The following ABCC11 variants were observed in gnomAD, a reference collection of about 807,000 sequenced individuals.
ABCC11 encodes ATP binding cassette subfamily C member 11, also known as ATP-binding cassette sub-family C member 11.
A neutral mutation model predicts 149.3 loss-of-function variants in ABCC11; 135 were observed. The ratio of observed to expected loss-of-function variants is 0.90; its 90% CI spans 0.79 to 1.04. The LOEUF (loss-of-function observed/expected upper bound fraction) is 1.04. ABCC11 is among the 50% of genes least tolerant of loss of function. The pLI, the probability that ABCC11 is intolerant of heterozygous loss-of-function variation, is 0.00. For missense variants in ABCC11, 1,680 were observed against 1,722.1 expected, an observed-to-expected ratio of 0.98 and a Z score of 0.43; for synonymous variants, 665 against 671.4, an observed-to-expected ratio of 0.99 and a Z score of 0.15.
chr16:48,211,055 C>T lies in ABCC11; in HGVS notation c.1501G>A (p.Gly501Arg), dbSNP rs377008966. The T allele has an allele frequency of 6.8e-6, 11 of 1,614,096 alleles. No individual in the cohort carries two copies. In the African/African-American group the frequency reaches 8.0e-5, roughly 12 times the overall value. The change falls in exon 11 of 30, where the codon GGG (glycine) becomes AGG (arginine). Residue 501 changes from glycine to arginine, a missense_variant. Transcript: ENST00000356608. ...CTGGTCATCCCCTCAGAAGCATGCC[C>T]GTTCCTCTCCAGCTCCAGTGCCCCA... ...VNGALELERN[G>R]HASEGMTRPR...
rs559803411 is a variant in ABCC11, at chr16:48,187,297, A to G, written c.2837T>C (p.Leu946Ser). ...IFSEQFLVLSLMVIAVLLIVS... is the reference protein window; with the variant it reads ...IFSEQFLVLSSMVIAVLLIVS... ...AATCAACAGGACGGCGATCACCATT[A>G]AGGACAGGACCAGGAACTGCTCTGA... Residue 946 changes from leucine to serine, a missense_variant, in exon 21 of 30, where the codon TTA becomes TCA. By Grantham distance (145) the Leu-to-Ser change is moderately radical (BLOSUM62 -2). Coordinates refer to ENST00000356608, the MANE Select transcript of ABCC11 (RefSeq NM_001370497.1). The G allele has an allele frequency of 9.9e-5, 160 of 1,614,212 alleles. 1 individual carries two copies. The South Asian group carries it at 1.6e-3, about 16-fold the overall frequency.
rs1247193490 is a variant in ABCC11 at position 48,170,191 on chromosome 16, T to C, written c.3805A>G (p.Thr1269Ala). The change falls in exon 28 of 30, where the codon ACA becomes GCA. Residue 1269 changes from threonine to alanine, a missense_variant. By Grantham distance (58) the Thr-to-Ala change is moderately conservative (BLOSUM62 0). Transcript: ENST00000356608. ...AISKFPKKLH[T>A]DVVENGGNFS... Reference sequence around the variant, plus strand: ...TTTCCACCGTTTTCCACCACATCTGTATGCAGCTTTTTGGGGAACTTTGAG... The same window carrying C: ...TTTCCACCGTTTTCCACCACATCTGCATGCAGCTTTTTGGGGAACTTTGAG... The C allele has an allele frequency of 6.2e-7, 1 of 1,614,076 alleles. No homozygotes were observed.
chr16:48,203,261 G>T lies in ABCC11; in HGVS notation c.1845C>A (p.Asp615Glu), dbSNP rs763483421. The change falls in exon 14 of 30, where the codon GAC becomes GAA. Residue 615 changes from aspartate to glutamate, a missense_variant. Physicochemically the swap from Asp to Glu is conservative, Grantham distance 45. Coordinates refer to ENST00000356608, the MANE Select transcript of ABCC11 (RefSeq NM_001370497.1). Reference protein sequence around the residue: ...QVLHCCSLNRDLELLPFGDMT... With the variant: ...QVLHCCSLNRELELLPFGDMT... ...TGTCTCCAAAGGGCAGAAGTTCCAG[G>T]TCCCGATTCAGGGAGCAGCAGTGGA... 12 of 1,583,756 alleles carry T rather than the reference G, an allele frequency of 7.6e-6. No homozygotes were observed. The highest frequency in any genetic ancestry group is 1.0e-5 in the Non-Finnish European group (12 of 1,164,232).
At chr16:48,244,158 T>G (rs1279833027) in intron 1 of ABCC11, 1 of 468,930 alleles carries the variant, frequency 2.1e-6, no homozygotes, top group East Asian at 3.5e-5. Flanking sequence ...CGAAGGTCGC[T>G]GCACGCTTGA....
intron 1 of ABCC11, among the ~76,000 whole-genome samples, chr16:48,241,677 G>T (rs1421177905): frequency 1.3e-5 from 2 of 152,180 alleles, no homozygotes; most frequent in African/African-American, 4.8e-5. Flanking sequence ...AAACAGCATG[G>T]TACTGGTACC....
In ABCC11 at chr16:48,208,549, C is replaced by T. The variant is rs1299517593; in HGVS notation, c.1609-53G>A. The T allele has an allele frequency of 4.1e-5, 66 of 1,594,918 alleles. No homozygotes were observed. The Admixed American group carries it at 1.1e-3, about 27-fold the overall frequency. On this transcript the variant is annotated intron_variant, in intron 11 of 29. Transcript: ENST00000356608. The stretch of plus-strand genomic sequence containing the variant: ...TTGGGACAGCATAGCCCTGGCATAC[C>T]CACCTGCCCATGGCGGCTCAACTGT...
At chr16:48,211,420 A>G (rs1409028032) in intron 10 of ABCC11, among the ~76,000 whole-genome samples, 1 of 152,244 alleles carries the variant, frequency 6.6e-6, no homozygotes, top group African/African-American at 2.4e-5. Flanking sequence ...CCACTCTTCC[A>G]TATTTGCAAA....
chr16:48,214,261 C>G (rs992580474), intron 9 of ABCC11, among the ~76,000 whole-genome samples: 1 of 151,996 alleles, frequency 6.6e-6, no homozygotes, highest in Non-Finnish European at 1.5e-5. Flanking sequence ...CCCCCAACAC[C>G]CTCAGACTTC....
rs141482254 is a variant in ABCC11, at chr16:48,210,928, C to A, written c.1608+20G>T. ...GAGAGCCTGGCAGCTGGCCTGCCTG[C>A]GTGGCCTGAACAAGGCTACCTTGGA... On this transcript the variant is annotated intron_variant, in intron 11 of 29. Transcript: ENST00000356608. 8.6e-4 allele frequency: 1,389 copies of A among 1,609,662 alleles called. 49 individuals carry two copies. In the East Asian group the frequency reaches 0.03, roughly 35 times the overall value.
intron 28 of ABCC11, among the ~76,000 whole-genome samples, chr16:48,169,148 C>T (rs909822109): frequency 3.9e-5 from 6 of 152,196 alleles, no homozygotes; most frequent in Middle Eastern, 3.2e-3. Flanking sequence ...TGTACTGCAT[C>T]CAAGTTTTTA....
chr16:48,185,309 C>T (rs1005699055), intron 22 of ABCC11, among the ~76,000 whole-genome samples: 1 of 152,164 alleles, frequency 6.6e-6, no homozygotes, highest in African/African-American at 2.4e-5. Flanking sequence ...ATACCCTCTA[C>T]CTAATTTAGC....
In ABCC11 at chr16:48,211,211, G is replaced by A. The variant is rs1567266853; in HGVS notation, c.1357-12C>T. On this transcript the variant is annotated splice_polypyrimidine_tract_variant and intron_variant, in intron 10 of 29. Coordinates refer to ENST00000356608, the MANE Select transcript of ABCC11 (RefSeq NM_001370497.1). Reference sequence around the variant, plus strand: ...TGGAGGAAAAACTTCTGTAAAGACAGAAAAAAATAGAGGGAGGAGGAATAC... The same window carrying A: ...TGGAGGAAAAACTTCTGTAAAGACAAAAAAAAATAGAGGGAGGAGGAATAC... 15 of 1,604,106 alleles carry A rather than the reference G, an allele frequency of 9.4e-6. No individual in the cohort carries two copies. The highest frequency in any genetic ancestry group is 5.3e-5 in the Admixed American group (3 of 57,078).
At chr16:48,241,865 C>A (rs924066705) in intron 1 of ABCC11, among the ~76,000 whole-genome samples, 3 of 152,244 alleles carry the variant, frequency 2.0e-5, no homozygotes, top group African/African-American at 7.2e-5. Context: ...AAACTGGATC[C>A]CTTCCTTATA....
intron 20 of ABCC11, among the ~76,000 whole-genome samples, chr16:48,191,288 C>A (rs964379960): frequency 6.6e-6 from 1 of 152,186 alleles, no homozygotes. Context: ...GTAATCCCAG[C>A]ACTTTAGGAG....
chr16:48,183,324 C>G (rs1235200813), intron 23 of ABCC11, among the ~76,000 whole-genome samples: 1 of 152,244 alleles, frequency 6.6e-6, no homozygotes, highest in African/African-American at 2.4e-5. Flanking sequence ...TTCTGTGGGA[C>G]TCTGTGGACA....
At chr16:48,199,620 GA>G (rs1371116959) in intron 15 of ABCC11, among the ~76,000 whole-genome samples, 1 of 151,578 alleles carries the variant, frequency 6.6e-6, no homozygotes, top group Non-Finnish European at 1.5e-5. Context: ...GAGACTTGGG[GA>G]ATTCTTTTCT....
intron 23 of ABCC11, among the ~76,000 whole-genome samples, chr16:48,182,077 G>A (rs1966470305): frequency 6.6e-6 from 1 of 152,188 alleles, no homozygotes; most frequent in Admixed American, 6.5e-5. Flanking sequence ...GCTTGCTTCA[G>A]GGGGCTCAAC....
At chr16:48,226,321 C>T (rs1970071870) in intron 4 of ABCC11, among the ~76,000 whole-genome samples, 1 of 143,296 alleles carries the variant, frequency 7.0e-6, no homozygotes. Context: ...GTTGCCCAGG[C>T]TGGAGTGCAG....
chr16:48,244,686 G>C, intron 1 of ABCC11: 1 of 1,143,680 alleles, frequency 8.7e-7, no homozygotes, highest in Non-Finnish European at 1.1e-6. Flanking sequence ...CTGGGCCCAG[G>C]CCACGGCCTG....
Sources: gnomAD v4.1 joint callset for allele counts (sites outside exome capture counted in the v4.1 genomes callset) on GRCh38, gnomAD v4.1.1 for gene constraint, MANE v1.5 for transcripts, NCBI Gene and HGNC (gene_info 2026-07-23, HGNC 2026-07-21) for gene names.